The following PGBD2 variants were observed in gnomAD, a reference collection of about 807,000 sequenced individuals.
The protein encoded by PGBD2 is piggyBac transposable element derived 2.
In PGBD2, 6 loss-of-function variants were observed where a neutral mutation model predicts 8.1. The ratio of observed to expected loss-of-function variants is 0.74; its 90% CI spans 0.40 to 1.46. The LOEUF (loss-of-function observed/expected upper bound fraction) is 1.46, where lower values mean the gene tolerates loss of function less well. Among genes scored for constraint, PGBD2 ranks in the 40% most tolerant of loss-of-function variants. PGBD2 has a pLI of 0.02. For synonymous variants in PGBD2, 318 were observed against 272.2 expected (o/e 1.17, Z -1.66); for missense variants, 802 against 739.0 (o/e 1.09, Z -0.99).
At position 248,906,331 on chromosome 1, in the gene PGBD2, G is replaced by A. The variant is rs545779542; in HGVS notation, c.-59G>A. ...GGTTCGGGCTCGCGAGTCTCCGTCT[G>A]GGGTAGGGCAGGTAGGCCTCAGTGT... On this transcript the variant is annotated 5_prime_UTR_variant, in exon 1 of 3. Coordinates refer to ENST00000329291, the MANE Select transcript of PGBD2 (RefSeq NM_170725.3). 1 of 152,088 alleles carries A rather than the reference G, an allele frequency of 6.6e-6. No homozygotes were observed. Among genetic ancestry groups the A allele is most frequent in the Admixed American group, 6.5e-5 (1 of 15,276 alleles). The allele number at this position is 152,088 out of a possible 1,614,324, so 9.4% of individuals were successfully genotyped here. A position where few individuals can be genotyped will look rare whatever the true frequency, so the allele number is the denominator to read the frequency against.
At chr1:248,895,966 A>G in the PGBD2 span, among the ~76,000 whole-genome samples, 77 of 152,114 alleles carry the variant, frequency 5.1e-4, no homozygotes, top group African/African-American at 1.6e-3. Flanking sequence ...GATTACAGGC[A>G]TGAGCTACTG....
chr1:248,915,619 G>A (rs539036080), intron 2 of PGBD2, among the ~76,000 whole-genome samples: 5 of 152,252 alleles, frequency 3.3e-5, no homozygotes, highest in Admixed American at 1.3e-4. Context: ...ATTGTAAGTC[G>A]AGGAGCACCT....
At chr1:248,916,523 G>T in intron 2 of PGBD2, 79 bp from the exon 3 acceptor site, 1 of 1,267,640 alleles carries the variant, frequency 7.9e-7, no homozygotes. Flanking sequence ...GTTTTATAGT[G>T]GGAGCACCCT....
At chr1:248,913,435 A>G (rs181866511) in intron 1 of PGBD2, among the ~76,000 whole-genome samples, 228 of 152,238 alleles carry the variant, frequency 1.5e-3, no homozygotes, top group Non-Finnish European at 2.8e-3. Context: ...TCTAATTAAT[A>G]TATTCATTTC....
At chr1:248,881,277 C>G in the PGBD2 span, among the ~76,000 whole-genome samples, 1 of 152,310 alleles carries the variant, frequency 6.6e-6, no homozygotes, top group African/African-American at 2.4e-5. Flanking sequence ...CATTCATTTA[C>G]TTCTCAAGCT....
At chr1:248,896,901 A>T in the PGBD2 span, among the ~76,000 whole-genome samples, 50 of 152,322 alleles carry the variant, frequency 3.3e-4, no homozygotes, top group East Asian at 3.5e-3. Flanking sequence ...CACCCAGGAA[A>T]TCACACTTTT....
chr1:248,898,467 G>C, the PGBD2 span, among the ~76,000 whole-genome samples: 3 of 152,158 alleles, frequency 2.0e-5, no homozygotes, highest in Non-Finnish European at 4.4e-5. Flanking sequence ...CATTTTTAAA[G>C]AAAAGAATTT....
Position 248,916,835 on chromosome 1 carries a change from C to T in PGBD2, c.251C>T (p.Ser84Phe), listed in dbSNP as rs991852873. The change falls in exon 3 of 3, where the codon TCT becomes TTT. Residue 84 changes from serine to phenylalanine, a missense_variant. Ser to Phe is a radical substitution (Grantham distance 155, BLOSUM62 -2). Coordinates refer to ENST00000329291, the MANE Select transcript of PGBD2 (RefSeq NM_170725.3). ...VLHASVLCEDSGTGEDNDDLE... is the reference protein window; with the variant it reads ...VLHASVLCEDFGTGEDNDDLE... ...CATGCTTCAGTCCTGTGTGAGGACT[C>T]TGGCACCGGGGAGGATAATGACGAC... 1 of 1,614,074 alleles carries T rather than the reference C, an allele frequency of 6.2e-7. No individual in the cohort carries two copies. The highest frequency in any genetic ancestry group is 1.3e-5 in the African/African-American group (1 of 74,922).
chr1:248,887,869 A>T, the PGBD2 span, among the ~76,000 whole-genome samples: 4 of 152,110 alleles, frequency 2.6e-5, no homozygotes, highest in African/African-American at 9.7e-5. Flanking sequence ...AACAGTGGAC[A>T]TAGTACTCAA....
the PGBD2 span, among the ~76,000 whole-genome samples, chr1:248,929,813 ACT>A: frequency 3.9e-5 from 6 of 152,010 alleles, no homozygotes; most frequent in African/African-American, 1.5e-4. Context: ...AGTGCAGGAA[ACT>A]CTCTCAGTGT....
At chr1:248,897,432 C>T in the PGBD2 span, among the ~76,000 whole-genome samples, 1 of 151,976 alleles carries the variant, frequency 6.6e-6, no homozygotes, top group East Asian at 1.9e-4. Context: ...CATACCTTTT[C>T]TGCAGTAAGT....
chr1:248,882,115 G>A, the PGBD2 span, among the ~76,000 whole-genome samples: 1 of 152,106 alleles, frequency 6.6e-6, no homozygotes, highest in Non-Finnish European at 1.5e-5. Context: ...CAGGCAGATC[G>A]GCAGGTTGAG....
chr1:248,913,982 A>G, intron 2 of PGBD2, 103 bp downstream of exon 2: 2 of 969,262 alleles, frequency 2.1e-6, no homozygotes, highest in South Asian at 1.3e-5. Context: ...TCAGTATAAC[A>G]GTTGGTGTCC....
At chr1:248,928,060 G>T in the PGBD2 span, among the ~76,000 whole-genome samples, 1,278 of 152,102 alleles carry the variant, frequency 8.4e-3, 11 homozygotes, top group African/African-American at 0.011. Flanking sequence ...TTTTTTGTTT[G>T]TTTTTTGTGG....
the PGBD2 span, among the ~76,000 whole-genome samples, chr1:248,882,169 G>A: frequency 6.6e-6 from 1 of 152,114 alleles, no homozygotes; most frequent in Non-Finnish European, 1.5e-5. Flanking sequence ...GGTCCAGGGG[G>A]GTCACCGCCT....
At chr1:248,915,239 T>G (rs1318274842) in intron 2 of PGBD2, among the ~76,000 whole-genome samples, 2 of 152,210 alleles carry the variant, frequency 1.3e-5, no homozygotes, top group Non-Finnish European at 2.9e-5. Context: ...CGCCAGCCCC[T>G]GGGCAGCACC....
chr1:248,902,224 G>A (rs906397153), upstream of PGBD2, among the ~76,000 whole-genome samples: 10 of 149,726 alleles, frequency 6.7e-5, no homozygotes, highest in Middle Eastern at 3.5e-3. Flanking sequence ...AGCTGAGATC[G>A]TACCACTGCA....
the PGBD2 span, among the ~76,000 whole-genome samples, chr1:248,928,897 C>T: frequency 6.6e-6 from 1 of 152,182 alleles, no homozygotes; most frequent in South Asian, 2.1e-4. Flanking sequence ...TGAGGCAAAG[C>T]CAGACGCATT....
chr1:248,908,035 G>T (rs369536437), intron 1 of PGBD2, among the ~76,000 whole-genome samples: 1 of 152,084 alleles, frequency 6.6e-6, no homozygotes, highest in Non-Finnish European at 1.5e-5. Context: ...TGTACGGTTC[G>T]TCTGGATTTC....
Sources: allele counts gnomAD v4.1 joint callset (sites outside exome capture counted in the v4.1 genomes callset), GRCh38; gene constraint gnomAD v4.1.1; transcripts MANE v1.5; gene names NCBI Gene and HGNC (gene_info 2026-07-23, HGNC 2026-07-21).